PCDHGA10: variants seen among roughly 807,000 people sequenced by gnomAD.
PCDHGA10 encodes protocadherin gamma-A10.
In PCDHGA10, 42 loss-of-function variants were observed where a neutral mutation model predicts 59.5. The ratio of observed to expected loss-of-function variants is 0.71; its 90% CI spans 0.55 to 0.91. PCDHGA10 has a LOEUF of 0.91. Ranked by LOEUF, PCDHGA10 falls within the 40% of genes least tolerant of loss-of-function variation. The probability of loss-of-function intolerance (pLI) is 0.00; values close to 1 mark genes in which losing one functional copy is unlikely to be tolerated. For synonymous variants in PCDHGA10, 511 were observed against 517.2 expected (o/e 0.99, Z 0.16); for missense variants, 1,111 against 1,198.2 (o/e 0.93, Z 1.07).
Position 141,489,826 on chromosome 5 carries a change from C to T in PCDHGA10, c.2437-4981C>T, listed in dbSNP as rs1270077118. 1 of 1,614,186 alleles carries T rather than the reference C, an allele frequency of 6.2e-7. No individual in the cohort carries two copies. The highest frequency in any genetic ancestry group is 1.7e-5 in the Admixed American group (1 of 60,028). On this transcript the variant is annotated intron_variant, in intron 1 of 3. Coordinates refer to ENST00000398610, the MANE Select transcript of PCDHGA10 (RefSeq NM_018913.3). The surrounding 1 kb of genome is among the most constrained non-coding windows in gnomAD (Gnocchi z 4.5). ...TGGGAAGCCATTCCCAGAGCTGGTGCTAGAGCAGCAGCTGGATCGTGAAGC... is the reference window on the plus strand; with the variant it reads ...TGGGAAGCCATTCCCAGAGCTGGTGTTAGAGCAGCAGCTGGATCGTGAAGC...
intron 1 of PCDHGA10, among the ~76,000 whole-genome samples, chr5:141,434,881 A>C (rs1221252749): frequency 6.6e-6 from 1 of 151,958 alleles, no homozygotes; most frequent in Non-Finnish European, 1.5e-5. Context: ...AGATACCAAC[A>C]ACAATCCAGT....
intron 1 of PCDHGA10, chr5:141,478,531 C>T (rs771145308): frequency 1.9e-6 from 3 of 1,608,190 alleles, no homozygotes; most frequent in Non-Finnish European, 2.5e-6. Flanking sequence ...GTGCAGAGAG[C>T]GCCCCTCCCG....
At chr5:141,506,444 C>CAAA (rs1219684339) in intron 3 of PCDHGA10, among the ~76,000 whole-genome samples, 2 of 95,018 alleles carry the variant, frequency 2.1e-5, no homozygotes, top group African/African-American at 7.9e-5. Context: ...CGCTCTGTCT[C>CAAA]AAAAAAAAAA....
chr5:141,444,640 G>A (rs192148868), intron 1 of PCDHGA10, among the ~76,000 whole-genome samples: 3 of 152,196 alleles, frequency 2.0e-5, no homozygotes, highest in Non-Finnish European at 2.9e-5. Flanking sequence ...GTTCATTGAG[G>A]TAGGGGTTGA....
chr5:141,447,681 C>T (rs2098548531), intron 1 of PCDHGA10, among the ~76,000 whole-genome samples: 1 of 152,066 alleles, frequency 6.6e-6, no homozygotes, highest in African/African-American at 2.4e-5. Flanking sequence ...TGTTCCATAT[C>T]TTGATAGAGG....
Position 141,487,070 on chromosome 5 carries a change from C to A in PCDHGA10, c.2437-7737C>A, listed in dbSNP as rs1365482479. The A allele has an allele frequency of 6.2e-7, 1 of 1,614,036 alleles. No individual in the cohort carries two copies. The highest frequency in any genetic ancestry group is 8.5e-7 in the Non-Finnish European group (1 of 1,180,016). ...TGCTGGGGAGGTGCGGACGGCTGTT[C>A]CTATCCCAGCTGACCTCCCACCACA... is the stretch of plus-strand genomic sequence containing the variant. On this transcript the variant is annotated intron_variant, in intron 1 of 3. Coordinates refer to ENST00000398610, the MANE Select transcript of PCDHGA10 (RefSeq NM_018913.3). The surrounding 1 kb of genome is among the most constrained non-coding windows in gnomAD (Gnocchi z 5.0).
rs979750945 is a variant in PCDHGA10 at position 141,478,807 on chromosome 5, A to G, written c.2437-16000A>G. The G allele has an allele frequency of 3.4e-6, 5 of 1,459,258 alleles. No homozygotes were observed. The African/African-American group carries it at 5.7e-5, about 17-fold the overall frequency. 90.4% of individuals were successfully genotyped at this position (1,459,258 alleles called of 1,614,324 possible). On this transcript the variant is annotated intron_variant, in intron 1 of 3. Transcript: ENST00000398610. The stretch of plus-strand genomic sequence containing the variant: ...TTCACATCCTCAGCACTCTTTTGCT[A>G]TCACAACTAACCAATCTTGCTAAGG...
chr5:141,458,823 C>T (rs1185812086), intron 1 of PCDHGA10, among the ~76,000 whole-genome samples: 1 of 152,126 alleles, frequency 6.6e-6, no homozygotes, highest in African/African-American at 2.4e-5. Flanking sequence ...ACCTCTGCCT[C>T]CCAGGCTCAA....
chr5:141,422,629 A>C lies in PCDHGA10; in HGVS notation c.2436+7018A>C, dbSNP rs780472571. 1.9e-6 allele frequency: 3 copies of C among 1,613,270 alleles called. No homozygotes were observed. The Admixed American group carries it at 5.0e-5, about 27-fold the overall frequency. Reference sequence around the variant, plus strand: ...TGCCTACATTCCCGAAAACAACCCCAGGGGTGCCTCCATCTTCTCAGTGAC... The same window carrying C: ...TGCCTACATTCCCGAAAACAACCCCCGGGGTGCCTCCATCTTCTCAGTGAC... On this transcript the variant is annotated intron_variant, in intron 1 of 3. Transcript: ENST00000398610.
Position 141,486,107 on chromosome 5 carries a change from A to T in PCDHGA10, c.2437-8700A>T, listed in dbSNP as rs758269750. ...TCTTTTGGGGCCCCTAGACTTTGAG[A>T]GTGAGAATTACTATGAATTTGATGT... is the stretch of plus-strand genomic sequence containing the variant. On this transcript the variant is annotated intron_variant, in intron 1 of 3. Transcript: ENST00000398610. The surrounding 1 kb of genome is among the most constrained non-coding windows in gnomAD (Gnocchi z 5.0). The T allele has an allele frequency of 6.2e-7, 1 of 1,614,102 alleles. No individual in the cohort carries two copies. Among genetic ancestry groups the T allele is most frequent in the South Asian group, 1.1e-5 (1 of 91,080 alleles).
intron 1 of PCDHGA10, among the ~76,000 whole-genome samples, chr5:141,492,802 G>A (rs1490284966): frequency 6.6e-6 from 1 of 152,234 alleles, no homozygotes; most frequent in Non-Finnish European, 1.5e-5. Flanking sequence ...GCAGGACTGG[G>A]ACTCCAGTGG....
chr5:141,420,613 A>G (rs536307424), intron 1 of PCDHGA10, among the ~76,000 whole-genome samples: 53 of 152,194 alleles, frequency 3.5e-4, no homozygotes, highest in Non-Finnish European at 1.9e-4. Flanking sequence ...CAAGTATTTC[A>G]TCTTCATTTA....
rs1562137828 is a variant in PCDHGA10 at position 141,490,359 on chromosome 5, T to C, written c.2437-4448T>C. On this transcript the variant is annotated intron_variant, in intron 1 of 3. Transcript: ENST00000398610. This position sits in a 1 kb window ranked among gnomAD's most constrained non-coding sequence, Gnocchi z 5.4. ...TGGGCACAGTAGTGGGGTTGTTTAA[T>C]GTGCGAGACCGGGACTCAGGTAGAA... The C allele has an allele frequency of 1.9e-6, 3 of 1,614,212 alleles. No individual in the cohort carries two copies. The highest frequency in any genetic ancestry group is 2.5e-6 in the Non-Finnish European group (3 of 1,180,036).
chr5:141,506,737 C>T (rs893758261), intron 3 of PCDHGA10, among the ~76,000 whole-genome samples: 5 of 152,076 alleles, frequency 3.3e-5, no homozygotes, highest in African/African-American at 1.2e-4. Flanking sequence ...AGAATAATGC[C>T]TATTAATAAA....
In PCDHGA10 at chr5:141,461,830, C is replaced by CT. The variant is rs1030113508; in HGVS notation, c.2437-32967dup. On this transcript the variant is annotated intron_variant, in intron 1 of 3. Transcript: ENST00000398610. Reference sequence around the variant, plus strand: ...CACCACACCCAGCTAATTTTTTTTTCTTTTTTTTTTGAGACAGAGTTTTGC... The same window carrying CT: ...CACCACACCCAGCTAATTTTTTTTTCTTTTTTTTTTTGAGACAGAGTTTTGC... Among the ~76,000 whole-genome samples, 192 of 145,246 alleles carry CT rather than the reference C, an allele frequency of 1.3e-3. 1 individual carries two copies. In the Middle Eastern group the frequency reaches 0.022, roughly 16 times the overall value.
chr5:141,492,492 G>A (rs896538392), intron 1 of PCDHGA10, among the ~76,000 whole-genome samples: 2 of 152,206 alleles, frequency 1.3e-5, no homozygotes, highest in African/African-American at 2.4e-5. Context: ...AGGACCAGGC[G>A]AGGACTCCGG....
rs762433242 is a variant in PCDHGA10, at chr5:141,476,856, C to A, written c.2437-17951C>A. 2.5e-6 allele frequency: 4 copies of A among 1,613,762 alleles called. No individual in the cohort carries two copies. In the East Asian group the frequency reaches 6.7e-5, roughly 27 times the overall value. ...GACAATGCGCCTGTCTTCAACCAGTCCTTGTACCGGGCGCGCGTCCTGGAG... is the reference window on the plus strand; with the variant it reads ...GACAATGCGCCTGTCTTCAACCAGTACTTGTACCGGGCGCGCGTCCTGGAG... On this transcript the variant is annotated intron_variant, in intron 1 of 3. Coordinates refer to ENST00000398610, the MANE Select transcript of PCDHGA10 (RefSeq NM_018913.3). This position sits in a 1 kb window ranked among gnomAD's most constrained non-coding sequence, Gnocchi z 7.6.
intron 1 of PCDHGA10, chr5:141,419,396 G>A (rs772000806): frequency 3.7e-6 from 6 of 1,613,600 alleles, no homozygotes; most frequent in Admixed American, 1.7e-5. Flanking sequence ...GCAGAGCGGG[G>A]TGGTGTTCGC....
intron 1 of PCDHGA10, among the ~76,000 whole-genome samples, chr5:141,448,632 T>G (rs1383720361): frequency 1.3e-5 from 2 of 152,106 alleles, no homozygotes; most frequent in Admixed American, 1.3e-4. Context: ...TTCTTCACAT[T>G]ATATCCTTTA....
Sources: allele counts gnomAD v4.1 joint callset (sites outside exome capture counted in the v4.1 genomes callset), GRCh38; gene constraint gnomAD v4.1.1; non-coding constraint Gnocchi (gnomAD v3.1); transcripts MANE v1.5; gene names NCBI Gene and HGNC (gene_info 2026-07-23, HGNC 2026-07-21).